Variants in SLC41A1 observed in about 807,000 individuals in gnomAD.
SLC41A1 encodes the protein solute carrier family 41 member 1.
A neutral mutation model predicts 47.3 loss-of-function variants in SLC41A1; 20 were observed. The observed-to-expected ratio is 0.42, with a 90% confidence interval of 0.30 to 0.61. The LOEUF is 0.61. Ranked by LOEUF, SLC41A1 falls within the 20% of genes least tolerant of loss-of-function variation. SLC41A1 has a pLI of 0.17. For missense variants in SLC41A1, 504 were observed against 674.1 expected, an observed-to-expected ratio of 0.75 and a Z score of 2.79; for synonymous variants, 282 against 272.7, an observed-to-expected ratio of 1.03 and a Z score of -0.34.
chr1:205,804,715 C>T (rs986274849), intron 2 of SLC41A1, among the ~76,000 whole-genome samples: 6 of 152,124 alleles, frequency 3.9e-5, no homozygotes, highest in Admixed American at 1.3e-4. Context: ...CCCTCCCTTG[C>T]GGGCTTTCAA....
chr1:205,794,787 T>G, intron 10 of SLC41A1, 83 bp downstream of exon 10: 1 of 1,576,592 alleles, frequency 6.3e-7, no homozygotes, highest in South Asian at 1.1e-5. Context: ...GTTGAGTGTC[T>G]AAGAGGCCAA....
chr1:205,812,541 T>G (rs1368549627), intron 1 of SLC41A1, among the ~76,000 whole-genome samples: 2 of 152,252 alleles, frequency 1.3e-5, no homozygotes, highest in African/African-American at 4.8e-5. Context: ...AAGCCAGTCC[T>G]CCCTCACCAC....
chr1:205,810,330 C>G lies in SLC41A1; in HGVS notation c.112G>C (p.Glu38Gln). 6.2e-7 allele frequency: 1 copy of G among 1,614,188 alleles called. No homozygotes were observed. Among genetic ancestry groups the G allele is most frequent in the Non-Finnish European group, 8.5e-7 (1 of 1,180,040 alleles). The change falls in exon 2 of 11, where the codon GAG becomes CAG. Residue 38 changes from glutamate (E) to glutamine (Q), a missense_variant. Glu to Gln is a conservative substitution (Grantham distance 29). Around this residue, in one of 2 missense-constraint regions of SLC41A1, gnomAD observed 83 missense variants for 72.5 expected, o/e 1.15. Coordinates refer to ENST00000367137, the MANE Select transcript of SLC41A1 (RefSeq NM_173854.6). The surrounding 1 kb of genome is among the most constrained non-coding windows in gnomAD (Gnocchi z 5.5). ...CCAGCCCCATCAGGCCCCAGGAACTCTGAGGTCCCAGCCAAGGGCTCTCTC... is the reference window on the plus strand; with the variant it reads ...CCAGCCCCATCAGGCCCCAGGAACTGTGAGGTCCCAGCCAAGGGCTCTCTC... ...PGREPLAGTS[E>Q]FLGPDGAGVE...
chr1:205,794,442 G>A (rs1227019751), intron 10 of SLC41A1, among the ~76,000 whole-genome samples: 1 of 152,162 alleles, frequency 6.6e-6, no homozygotes, highest in African/African-American at 2.4e-5. Flanking sequence ...AGATTATCTA[G>A]TGCAGTGGTT....
chr1:205,797,797 A>C (rs745508491), intron 7 of SLC41A1, 107 bp downstream of exon 7: 41 of 1,381,886 alleles, frequency 3.0e-5, no homozygotes, highest in Non-Finnish European at 4.1e-5. Context: ...AACACTAATG[A>C]ACACATTTCT....
In SLC41A1 at chr1:205,813,046, C is replaced by T; in HGVS notation, c.-885G>A. 1.0e-6 allele frequency: 1 copy of T among 985,478 alleles called. No homozygotes were observed. The highest frequency in any genetic ancestry group is 1.2e-6 in the Non-Finnish European group (1 of 829,980). The allele number at this position is 985,478 out of a possible 1,614,324, so 61.0% of individuals were successfully genotyped here. On this transcript the variant is annotated 5_prime_UTR_variant, in exon 1 of 11. Transcript: ENST00000367137. ...TCCGCTTCCACGCGGGGGAGGTGGC[C>T]GGGGAGGGCAGGATATATCGCTTCG...
chr1:205,810,557 G>A lies in SLC41A1; in HGVS notation c.-116C>T, dbSNP rs1476593396. On this transcript the variant is annotated 5_prime_UTR_variant, in exon 2 of 11. Transcript: ENST00000367137. The surrounding 1 kb of genome is among the most constrained non-coding windows in gnomAD (Gnocchi z 5.5). ...GGTGAACCCAGGCTTGGGCGCCGCA[G>A]GACCTCTTCCCACGGCTCTCCACTC... 2.6e-6 allele frequency: 4 copies of A among 1,538,388 alleles called. No homozygotes were observed. The highest frequency in any genetic ancestry group is 1.8e-6 in the Non-Finnish European group (2 of 1,126,138).
intron 4 of SLC41A1, among the ~76,000 whole-genome samples, chr1:205,799,485 C>T (rs2102504619): frequency 6.6e-6 from 1 of 152,288 alleles, no homozygotes; most frequent in Middle Eastern, 3.4e-3. Context: ...GACATCTCAG[C>T]ACTCCTGAGT....
chr1:205,809,511 C>G (rs1346386999), intron 2 of SLC41A1, among the ~76,000 whole-genome samples: 7 of 152,178 alleles, frequency 4.6e-5, no homozygotes, highest in African/African-American at 1.7e-4. Flanking sequence ...CAAGTGCCCA[C>G]CCCCACCCCC....
chr1:205,796,613 C>A (rs1411680887), intron 8 of SLC41A1: 4 of 406,672 alleles, frequency 9.8e-6, no homozygotes, highest in African/African-American at 8.1e-5. Flanking sequence ...AACTTCTTTT[C>A]GTTATAAATT....
chr1:205,799,164 T>C, intron 4 of SLC41A1, 63 bp from the exon 5 acceptor site: 1 of 1,606,478 alleles, frequency 6.2e-7, no homozygotes. Flanking sequence ...GCTGAGGTCA[T>C]AAGCATCTGG....
chr1:205,810,040 C>T lies in SLC41A1; in HGVS notation c.372+30G>A. On this transcript the variant is annotated intron_variant, in intron 2 of 10. Transcript: ENST00000367137. This position sits in a 1 kb window ranked among gnomAD's most constrained non-coding sequence, Gnocchi z 5.5. Reference sequence around the variant, plus strand: ...GCAGGCAAAGGTGGCCCTGGGCTCACAGTCAAGAGCTGCCCTACTCAGGTC... The same window carrying T: ...GCAGGCAAAGGTGGCCCTGGGCTCATAGTCAAGAGCTGCCCTACTCAGGTC... 1 of 1,613,954 alleles carries T rather than the reference C, an allele frequency of 6.2e-7. No individual in the cohort carries two copies. Among genetic ancestry groups the T allele is most frequent in the Non-Finnish European group, 8.5e-7 (1 of 1,179,968 alleles).
chr1:205,792,800 T>G (rs1180539741), intron 10 of SLC41A1, among the ~76,000 whole-genome samples: 2 of 152,202 alleles, frequency 1.3e-5, no homozygotes, highest in East Asian at 3.8e-4. Flanking sequence ...GTTTTACCCT[T>G]GACTATACTT....
In SLC41A1 at chr1:205,810,148, G is replaced by C. The variant is rs760139807; in HGVS notation, c.294C>G (p.Ile98Met). Reference protein sequence around the residue: ...PSPLKETSFSIGLQVLFPFLL... With the variant: ...PSPLKETSFSMGLQVLFPFLL... ...GGAATGGAAACAGTACTTGCAGCCC[G>C]ATGGAAAAGGAGGTCTCCTTGAGCG... Residue 98 changes from isoleucine (I) to methionine (M), a missense_variant, in exon 2 of 11, where the codon ATC (isoleucine) becomes ATG (methionine). Physicochemically the swap from Ile to Met is conservative, Grantham distance 10. Coordinates refer to ENST00000367137, the MANE Select transcript of SLC41A1 (RefSeq NM_173854.6). This position sits in a 1 kb window ranked among gnomAD's most constrained non-coding sequence, Gnocchi z 5.5. 2 of 1,614,216 alleles carry C rather than the reference G, an allele frequency of 1.2e-6. No homozygotes were observed. The highest frequency in any genetic ancestry group is 2.2e-5 in the East Asian group (1 of 44,874).
At chr1:205,809,643 G>A (rs948190382) in intron 2 of SLC41A1, among the ~76,000 whole-genome samples, 2 of 152,152 alleles carry the variant, frequency 1.3e-5, no homozygotes, top group Non-Finnish European at 2.9e-5. Flanking sequence ...GGGGATGGAG[G>A]AGAGGCTTGA....
At chr1:205,800,636 C>T (rs556303012) in intron 3 of SLC41A1, among the ~76,000 whole-genome samples, 7 of 152,216 alleles carry the variant, frequency 4.6e-5, no homozygotes, top group African/African-American at 1.7e-4. Flanking sequence ...GAGGAACCAG[C>T]ATGATGCCTG....
At chr1:205,798,164 C>G in intron 6 of SLC41A1, 113 bp from the exon 7 acceptor site, 1 of 1,448,818 alleles carries the variant, frequency 6.9e-7, no homozygotes. Context: ...ACACTAAATG[C>G]CAGTAAACAC....
intron 10 of SLC41A1, among the ~76,000 whole-genome samples, chr1:205,793,435 C>T (rs182186079): frequency 6.6e-6 from 1 of 152,222 alleles, no homozygotes; most frequent in African/African-American, 2.4e-5. Flanking sequence ...CCACCCCCAT[C>T]TTCCCACCAC....
intron 2 of SLC41A1, among the ~76,000 whole-genome samples, chr1:205,802,020 CA>C: frequency 6.6e-6 from 1 of 152,206 alleles, no homozygotes; most frequent in East Asian, 1.9e-4. Context: ...ACTTTACTTG[CA>C]ATTGAAACTG....
Sources: gnomAD v4.1 joint callset for allele counts (sites outside exome capture counted in the v4.1 genomes callset) on GRCh38, gnomAD v4.1.1 for gene constraint, gnomAD v4.1.1 regional missense constraint, Gnocchi (gnomAD v3.1) non-coding constraint, MANE v1.5 for transcripts, NCBI Gene and HGNC (gene_info 2026-07-23, HGNC 2026-07-21) for gene names.